The following RBMS3 variants were observed in gnomAD, a reference collection of about 807,000 sequenced individuals.
RBMS3 encodes the protein RNA-binding motif, single-stranded-interacting protein 3.
Under a neutral mutation model 66.8 loss-of-function variants are expected in RBMS3, and 27 were observed. That is an observed-to-expected ratio of 0.40 (90% confidence interval 0.30 to 0.56). The LOEUF (loss-of-function observed/expected upper bound fraction) is 0.56, where lower values mean the gene tolerates loss of function less well. Ranked by LOEUF, RBMS3 falls within the 20% of genes least tolerant of loss-of-function variation. The pLI is 0.40. For synonymous variants in RBMS3, 188 were observed against 183.0 expected (o/e 1.03, Z -0.22); for missense variants, 513 against 549.5 (o/e 0.93, Z 0.66).
At chr3:29,809,687 T>C (rs1050040592) in intron 6 of RBMS3, among the ~76,000 whole-genome samples, 2 of 152,016 alleles carry the variant, frequency 1.3e-5, no homozygotes, top group Non-Finnish European at 1.5e-5. Flanking sequence ...TCACAGATTT[T>C]TTTTTAGGAA....
intron 3 of RBMS3, among the ~76,000 whole-genome samples, chr3:29,564,347 A>G (rs1232201408): frequency 6.6e-6 from 1 of 151,990 alleles, no homozygotes; most frequent in Non-Finnish European, 1.5e-5. Context: ...TTAGCTGGGC[A>G]TGCTGGTGGG....
At chr3:29,916,820 A>G (rs1395270868) in intron 10 of RBMS3, among the ~76,000 whole-genome samples, 1 of 152,108 alleles carries the variant, frequency 6.6e-6, no homozygotes, top group Non-Finnish European at 1.5e-5. Context: ...ATCTCAAGGT[A>G]TTTAAAAATC....
intron 1 of RBMS3, among the ~76,000 whole-genome samples, chr3:29,299,263 A>G (rs2033505724): frequency 6.6e-6 from 1 of 151,938 alleles, no homozygotes. Flanking sequence ...CAATATAATG[A>G]CAAAACAGAC....
Position 29,884,368 on chromosome 3 carries a change from A to G in RBMS3, c.791+160A>G, listed in dbSNP as rs576004327. ...TCATCATTATAGTTTTTTTCATCCTATAAATTATTCTGACCTCCCATTCTC... is the reference window on the plus strand; with the variant it reads ...TCATCATTATAGTTTTTTTCATCCTGTAAATTATTCTGACCTCCCATTCTC... On this transcript the variant is annotated intron_variant, in intron 8 of 14. Coordinates refer to ENST00000383767, the MANE Select transcript of RBMS3 (RefSeq NM_001003793.3). 63 of 640,684 alleles carry G rather than the reference A, an allele frequency of 9.8e-5. No homozygotes were observed. In the African/African-American group the frequency reaches 1.1e-3, roughly 11 times the overall value. 39.7% of individuals were successfully genotyped at this position (640,684 alleles called of 1,614,324 possible).
At chr3:29,820,752 A>C (rs1434675052) in intron 6 of RBMS3, among the ~76,000 whole-genome samples, 1 of 152,164 alleles carries the variant, frequency 6.6e-6, no homozygotes, top group African/African-American at 2.4e-5. Flanking sequence ...TGGTGCTACA[A>C]AATTCCAAGA....
intron 1 of RBMS3, among the ~76,000 whole-genome samples, chr3:29,356,075 T>C (rs2037206975): frequency 6.6e-6 from 1 of 152,146 alleles, no homozygotes; most frequent in South Asian, 2.1e-4. Flanking sequence ...ACCATCTTTG[T>C]TTTTGTAAGG....
At chr3:29,561,210 G>C (rs535396499) in intron 3 of RBMS3, among the ~76,000 whole-genome samples, 109 of 152,282 alleles carry the variant, frequency 7.2e-4, no homozygotes, top group African/African-American at 2.6e-3. Flanking sequence ...ACATGTGCAT[G>C]TGTCTTTATA....
Position 29,325,248 on chromosome 3 carries a change from G to A in RBMS3, c.75+43492G>A, listed in dbSNP as rs1228073958. Among the ~76,000 whole-genome samples the A allele has an allele frequency of 2.0e-5, 3 of 152,062 alleles. No homozygotes were observed. The East Asian group carries it at 5.8e-4, about 29-fold the overall frequency. The stretch of plus-strand genomic sequence containing the variant: ...CGTTTGTGAAAAAAGGCGGTGGTGG[G>A]AAATAAGATTATATTTTACATTTTA... On this transcript the variant is annotated intron_variant, in intron 1 of 14. Coordinates refer to ENST00000383767, the MANE Select transcript of RBMS3 (RefSeq NM_001003793.3).
chr3:29,303,578 G>T (rs1000104314), intron 1 of RBMS3, among the ~76,000 whole-genome samples: 8 of 152,006 alleles, frequency 5.3e-5, no homozygotes, highest in Admixed American at 3.9e-4. Flanking sequence ...GGCACTTCTT[G>T]ATAAAAACTG....
chr3:29,689,458 G>A (rs1435635212), intron 4 of RBMS3, among the ~76,000 whole-genome samples: 1 of 152,172 alleles, frequency 6.6e-6, no homozygotes, highest in African/African-American at 2.4e-5. Context: ...TTAAAATTGG[G>A]CTGACAAAGC....
At chr3:29,385,280 G>A (rs1012343023) in intron 1 of RBMS3, among the ~76,000 whole-genome samples, 51 of 152,116 alleles carry the variant, frequency 3.4e-4, no homozygotes, top group Admixed American at 1.4e-3. Flanking sequence ...TCCTATTACC[G>A]CAGGACTCCC....
intron 3 of RBMS3, among the ~76,000 whole-genome samples, chr3:29,560,636 A>G (rs2046516583): frequency 6.6e-6 from 1 of 152,252 alleles, no homozygotes; most frequent in African/African-American, 2.4e-5. Context: ...AATAACATAC[A>G]ATGGAATTAA....
Position 29,985,239 on chromosome 3 carries a change from C to T in RBMS3, c.1099-2904C>T, listed in dbSNP as rs375193727. The stretch of plus-strand genomic sequence containing the variant: ...GGCAGACACCCCTCCCCACACCAAG[C>T]GCCAGCATCCCAAGTGGACTTCAGA... On this transcript the variant is annotated intron_variant, in intron 12 of 14. Transcript: ENST00000383767. 1.2e-4 allele frequency among the ~76,000 whole-genome samples: 19 copies of T among 152,292 alleles called. 1 individual carries two copies. The South Asian group carries it at 1.9e-3, about 15-fold the overall frequency.
chr3:29,989,235 A>G (rs1698656332), intron 13 of RBMS3, among the ~76,000 whole-genome samples: 1 of 152,152 alleles, frequency 6.6e-6, no homozygotes, highest in African/African-American at 2.4e-5. Context: ...ATTGGGATAA[A>G]TCTATGCCCT....
chr3:29,931,632 C>CAAAACAA (rs1368612397), intron 10 of RBMS3, among the ~76,000 whole-genome samples: 1 of 5,090 alleles, frequency 2.0e-4, no homozygotes. Flanking sequence ...GAACCCTCAT[C>CAAAACAA]AAAACAAAAC....
chr3:29,575,638 T>G (rs997600001), intron 3 of RBMS3, among the ~76,000 whole-genome samples: 1 of 152,100 alleles, frequency 6.6e-6, no homozygotes, highest in Non-Finnish European at 1.5e-5. Flanking sequence ...ATAACTCTTA[T>G]ATTTGCCCTT....
chr3:29,779,459 A>C (rs2149407034), intron 6 of RBMS3, among the ~76,000 whole-genome samples: 1 of 151,744 alleles, frequency 6.6e-6, no homozygotes, highest in South Asian at 2.1e-4. Flanking sequence ...ATGGACACTG[A>C]GTGAGATCTG....
intron 10 of RBMS3, among the ~76,000 whole-genome samples, chr3:29,930,784 A>G (rs1326944096): frequency 6.6e-6 from 1 of 151,918 alleles, no homozygotes; most frequent in Non-Finnish European, 1.5e-5. Context: ...TTTTTCATCA[A>G]GCAAATCTTG....
intron 14 of RBMS3, among the ~76,000 whole-genome samples, chr3:30,000,884 T>C (rs1335553563): frequency 6.6e-6 from 1 of 151,906 alleles, no homozygotes; most frequent in Non-Finnish European, 1.5e-5. Context: ...CTGGGGCCTG[T>C]CAGGGAGTGG....
Sources: gnomAD v4.1 joint callset for allele counts (sites outside exome capture counted in the v4.1 genomes callset) on GRCh38, gnomAD v4.1.1 for gene constraint, MANE v1.5 for transcripts, NCBI Gene and HGNC (gene_info 2026-07-23, HGNC 2026-07-21) for gene names.